Variants in TBC1D9B observed in about 807,000 individuals in gnomAD.
TBC1D9B encodes the protein TBC1 domain family member 9B.
Under a neutral mutation model 121.1 loss-of-function variants are expected in TBC1D9B, and 87 were observed. The observed-to-expected ratio is 0.72, with a 90% CI of 0.60 to 0.86. The LOEUF (loss-of-function observed/expected upper bound fraction) is 0.86, where lower values mean the gene tolerates loss of function less well. Among genes scored for constraint, TBC1D9B ranks in the 40% least tolerant of loss-of-function variants. The pLI is 0.00. For synonymous variants in TBC1D9B, 668 were observed against 670.1 expected, an observed-to-expected ratio of 1.00 and a Z score of 0.05; for missense variants, 1,540 against 1,628.6, an observed-to-expected ratio of 0.95 and a Z score of 0.94.
At position 179,874,326 on chromosome 5, in the gene TBC1D9B, G is replaced by A. The variant is rs1020180505; in HGVS notation, c.2186+576C>T. ...GGAAAGGGCATGGTGGGCCTGGGCT[G>A]AGGCAGCAGGCTGAAGGGAAGGGGC... On this transcript the variant is annotated intron_variant, in intron 12 of 20. Coordinates refer to ENST00000355235, the MANE Select transcript of TBC1D9B (RefSeq NM_015043.4). This position sits in a 1 kb window ranked among gnomAD's most constrained non-coding sequence, Gnocchi z 4.3. Among the ~76,000 whole-genome samples, 11 of 152,096 alleles carry A rather than the reference G, an allele frequency of 7.2e-5. No individual in the cohort carries two copies. The highest frequency in any genetic ancestry group is 2.4e-4 in the African/African-American group (10 of 41,402).
chr5:179,881,949 T>TTTTTTTTTTTTTTTTTTTG (rs1211455829), intron 7 of TBC1D9B, among the ~76,000 whole-genome samples: 2 of 149,258 alleles, frequency 1.3e-5, no homozygotes, highest in African/African-American at 5.0e-5. Context: ...ACCTTCCGTT[T>TTTTTTTTTTTTTTTTTTTG]TTTTTTTTTT....
rs1336328038 is a variant in TBC1D9B, at chr5:179,862,161, A to G, written c.*1287T>C. ...TAAACTTAATCACAGGTATGTATGCATAGGAAAAAACAGTATGTATAAGGT... is the reference window on the plus strand; with the variant it reads ...TAAACTTAATCACAGGTATGTATGCGTAGGAAAAAACAGTATGTATAAGGT... On this transcript the variant is annotated 3_prime_UTR_variant, in exon 21 of 21. Transcript: ENST00000355235. 1 of 179,950 alleles carries G rather than the reference A, an allele frequency of 5.6e-6. No homozygotes were observed. The highest frequency in any genetic ancestry group is 1.2e-5 in the Non-Finnish European group (1 of 82,418). The allele number at this position is 179,950 out of a possible 1,614,324, so 11.1% of individuals were successfully genotyped here.
At chr5:179,871,012 T>G (rs1483423306) in intron 15 of TBC1D9B, among the ~76,000 whole-genome samples, 1 of 152,202 alleles carries the variant, frequency 6.6e-6, no homozygotes, top group Non-Finnish European at 1.5e-5. Context: ...AGAAAAATTC[T>G]CTTTGCACTG....
chr5:179,871,256 G>C (rs922844155), intron 15 of TBC1D9B, among the ~76,000 whole-genome samples: 3 of 152,206 alleles, frequency 2.0e-5, no homozygotes, highest in African/African-American at 7.2e-5. Context: ...CATTTAAGAG[G>C]TCCTGCCTAA....
rs762310312 is a variant in TBC1D9B at position 179,904,406 on chromosome 5, T to C, written c.229+296A>G. Among the ~76,000 whole-genome samples, 1 of 152,032 alleles carries C rather than the reference T, an allele frequency of 6.6e-6. No individual in the cohort carries two copies. Among genetic ancestry groups the C allele is most frequent in the Non-Finnish European group, 1.5e-5 (1 of 67,984 alleles). ...CCCCCAGCTAATTTTTTGTGTTTTTTAGTAGAGACGTGGTTTCACCGTGTT... is the reference window on the plus strand; with the variant it reads ...CCCCCAGCTAATTTTTTGTGTTTTTCAGTAGAGACGTGGTTTCACCGTGTT... On this transcript the variant is annotated intron_variant, in intron 2 of 20. Transcript: ENST00000355235. The surrounding 1 kb of genome is among the most constrained non-coding windows in gnomAD (Gnocchi z 4.2).
chr5:179,870,937 C>A (rs1254444444), intron 15 of TBC1D9B, among the ~76,000 whole-genome samples: 1 of 152,130 alleles, frequency 6.6e-6, no homozygotes, highest in Non-Finnish European at 1.5e-5. Context: ...CGGGAACTGG[C>A]AACAACAACA....
At position 179,904,966 on chromosome 5, in the gene TBC1D9B, G is replaced by A. The variant is rs1204175918; in HGVS notation, c.119-154C>T. 6.6e-6 allele frequency among the ~76,000 whole-genome samples: 1 copy of A among 152,204 alleles called. No homozygotes were observed. Among genetic ancestry groups the A allele is most frequent in the Non-Finnish European group, 1.5e-5 (1 of 68,032 alleles). ...TCCGGAATGACCCCTGCGGTCAAAG[G>A]CCTTCAGCCAGTGTCTGATCCCGAT... On this transcript the variant is annotated intron_variant, in intron 1 of 20. Coordinates refer to ENST00000355235, the MANE Select transcript of TBC1D9B (RefSeq NM_015043.4). The surrounding 1 kb of genome is among the most constrained non-coding windows in gnomAD (Gnocchi z 4.2).
intron 18 of TBC1D9B, 52 bp downstream of exon 18, chr5:179,867,726 G>A (rs748978742): frequency 8.1e-6 from 13 of 1,603,540 alleles, no homozygotes; most frequent in African/African-American, 1.3e-5. Flanking sequence ...GGAAGGCGGC[G>A]GTGGCTGCAG....
intron 2 of TBC1D9B, among the ~76,000 whole-genome samples, chr5:179,901,999 AG>A (rs1402754644): frequency 1.3e-5 from 2 of 152,212 alleles, no homozygotes; most frequent in African/African-American, 4.8e-5. Context: ...TCATTTTACC[AG>A]ATGAAGCTGA....
chr5:179,864,006 C>T lies in TBC1D9B; in HGVS notation c.3144G>A (p.Gly1048=). The change falls in exon 21 of 21, where the codon GGG becomes GGA. Residue 1048 remains glycine (G), a synonymous_variant. Transcript: ENST00000355235. ...ASLLLRIGEV[G]KKFSARTGRK... ...TGCCTGTGCGGGCTGAGAACTTCTT[C>T]CCCACCTCTCCGATGCGGAGCAGGA... The T allele has an allele frequency of 6.2e-7, 1 of 1,613,792 alleles. No homozygotes were observed. Among genetic ancestry groups the T allele is most frequent in the Non-Finnish European group, 8.5e-7 (1 of 1,180,040 alleles).
In TBC1D9B at chr5:179,867,770, C is replaced by T; in HGVS notation, c.2863+8G>A. 6.3e-7 allele frequency: 1 copy of T among 1,586,432 alleles called. No homozygotes were observed. The highest frequency in any genetic ancestry group is 8.6e-7 in the Non-Finnish European group (1 of 1,164,430). ...CTGGGCATGTCGGGTGTTCCAGTGG[C>T]CGCTCACCTTCTGAGGAGCTGTCCT... On this transcript the variant is annotated splice_region_variant and intron_variant, in intron 18 of 20. Transcript: ENST00000355235.
rs376754900 is a variant in TBC1D9B at position 179,875,057 on chromosome 5, G to A, written c.2031C>T (p.Ser677=). The A allele has an allele frequency of 5.6e-6, 9 of 1,613,996 alleles. No homozygotes were observed. The highest frequency in any genetic ancestry group is 8.5e-7 in the Non-Finnish European group (1 of 1,180,034). The change falls in exon 12 of 21, where the codon AGC becomes AGT. Residue 677 remains serine, a synonymous_variant. Coordinates refer to ENST00000355235, the MANE Select transcript of TBC1D9B (RefSeq NM_015043.4). The surrounding 1 kb of genome is among the most constrained non-coding windows in gnomAD (Gnocchi z 4.5). ...SLSWFLTLFL[S]VMPFESAVVI... ...CCACGGCGCTCTCGAAGGGCATGAC[G>A]CTGAGGAAGAGGGTCAGGAACCAGG... is the stretch of plus-strand genomic sequence containing the variant.
chr5:179,879,811 G>C (rs573598853), intron 7 of TBC1D9B, 22 bp from the exon 8 acceptor site: 1 of 1,592,944 alleles, frequency 6.3e-7, no homozygotes, highest in South Asian at 1.1e-5. Flanking sequence ...AACAGGGAAG[G>C]GGACGCCCTA....
At chr5:179,886,885 G>A (rs1760701357) in intron 7 of TBC1D9B, among the ~76,000 whole-genome samples, 1 of 152,238 alleles carries the variant, frequency 6.6e-6, no homozygotes, top group Non-Finnish European at 1.5e-5. Flanking sequence ...CCAGTGTCGT[G>A]CCCAGGGACT....
At chr5:179,869,342 G>T (rs1024185362) in intron 17 of TBC1D9B, 7 of 360,926 alleles carry the variant, frequency 1.9e-5, no homozygotes, top group Non-Finnish European at 3.8e-5. Context: ...CAGCACCACT[G>T]AGAGGCCAGA....
Position 179,863,748 on chromosome 5 carries a change from G to A in TBC1D9B, c.3402C>T (p.Asp1134=). The stretch of plus-strand genomic sequence containing the variant: ...CCACCGAGTAGGAGGACATGGACAT[G>A]TCGTCTTTGGTTTCATCGTCAGACA... ...QLLSDDETKD[D]MSMSSYSVVS... The change falls in exon 21 of 21, where the codon GAC becomes GAT. Residue 1134 remains aspartate, a synonymous_variant. Transcript: ENST00000355235. This position sits in a 1 kb window ranked among gnomAD's most constrained non-coding sequence, Gnocchi z 4.5. 1 of 1,613,668 alleles carries A rather than the reference G, an allele frequency of 6.2e-7. No individual in the cohort carries two copies. The highest frequency in any genetic ancestry group is 8.5e-7 in the Non-Finnish European group (1 of 1,180,032).
In TBC1D9B at chr5:179,907,774, C is replaced by T; in HGVS notation, c.48G>A (p.Val16=). Residue 16 remains valine, a synonymous_variant, in exon 1 of 21, where the codon GTG becomes GTA. Transcript: ENST00000355235. The surrounding 1 kb of genome is among the most constrained non-coding windows in gnomAD (Gnocchi z 5.3). ...EEVLVANALW[V]TERANPFFVL... ...CGAAGAAGGGGTTGGCCCGCTCCGT[C>T]ACCCACAGCGCATTGGCCACCAGCA... 8.1e-7 allele frequency: 1 copy of T among 1,230,546 alleles called. No homozygotes were observed. The allele number at this position is 1,230,546 out of a possible 1,614,324, so 76.2% of individuals were successfully genotyped here. A position where few individuals can be genotyped will look rare whatever the true frequency, so the allele number is the denominator to read the frequency against.
intron 5 of TBC1D9B, 108 bp downstream of exon 5, chr5:179,893,101 G>A (rs2113638646): frequency 6.9e-7 from 1 of 1,454,040 alleles, no homozygotes; most frequent in South Asian, 1.4e-5. Context: ...CATGAGGGGT[G>A]AATGTGGACA....
chr5:179,894,238 C>A (rs778085594), intron 4 of TBC1D9B, 148 bp downstream of exon 4: 62 of 754,880 alleles, frequency 8.2e-5, no homozygotes, highest in Non-Finnish European at 1.3e-4. Context: ...CTGGCCAAGG[C>A]CGGACAGTCC....
Sources: gnomAD v4.1 joint callset for allele counts (sites outside exome capture counted in the v4.1 genomes callset) on GRCh38, gnomAD v4.1.1 for gene constraint, Gnocchi (gnomAD v3.1) non-coding constraint, MANE v1.5 for transcripts, NCBI Gene and HGNC (gene_info 2026-07-23, HGNC 2026-07-21) for gene names.